The following LSM7 variants were observed in gnomAD, a reference collection of about 807,000 sequenced individuals.
The protein encoded by LSM7 is LSM7 homolog, U6 small nuclear RNA and mRNA degradation associated, also known as U6 snRNA-associated Sm-like protein LSm7.
Under a neutral mutation model 14.1 loss-of-function variants are expected in LSM7, and 13 were observed. The observed-to-expected ratio is 0.92, with a 90% confidence interval of 0.60 to 1.47. The LOEUF (loss-of-function observed/expected upper bound fraction) is 1.47. LSM7 is among the 40% of genes most tolerant of loss of function. The pLI is 0.00. For missense variants in LSM7, 108 were observed against 140.8 expected, an observed-to-expected ratio of 0.77 and a Z score of 1.18; for synonymous variants, 70 against 57.1, an observed-to-expected ratio of 1.23 and a Z score of -1.02.
chr19:2,327,448 G>C (rs1243991554), intron 2 of LSM7, among the ~76,000 whole-genome samples: 1 of 152,094 alleles, frequency 6.6e-6, no homozygotes, highest in Non-Finnish European at 1.5e-5. Flanking sequence ...TCACCACGTA[G>C]GCCAGGATGG....
intron 2 of LSM7, among the ~76,000 whole-genome samples, chr19:2,326,396 C>T (rs1285913086): frequency 1.3e-5 from 2 of 151,254 alleles, no homozygotes. Context: ...GGCTGGAATG[C>T]AGTGGCGCGA....
intron 3 of LSM7, among the ~76,000 whole-genome samples, chr19:2,323,169 TGGC>T (rs1325671475): frequency 1.3e-5 from 2 of 152,056 alleles, no homozygotes; most frequent in African/African-American, 2.4e-5. Flanking sequence ...TCTGAGGACT[TGGC>T]GGCCTCACTG....
intron 2 of LSM7, among the ~76,000 whole-genome samples, chr19:2,327,777 G>A (rs1446344693): frequency 1.3e-5 from 2 of 152,004 alleles, no homozygotes; most frequent in South Asian, 2.1e-4. Flanking sequence ...TTGGGTCCCC[G>A]TCTTACAAAA....
At position 2,321,831 on chromosome 19, in the gene LSM7, G is replaced by C; in HGVS notation, c.170-9C>G. On this transcript the variant is annotated splice_polypyrimidine_tract_variant and intron_variant, in intron 3 of 3. Coordinates refer to ENST00000252622, the MANE Select transcript of LSM7 (RefSeq NM_016199.3). This position sits in a 1 kb window ranked among gnomAD's most constrained non-coding sequence, Gnocchi z 5.0. Reference sequence around the variant, plus strand: ...GTACTGGTCGTCAGGGTCTGGGGAGGAGCAGATAGAGAGGACTGAGGGACC... The same window carrying C: ...GTACTGGTCGTCAGGGTCTGGGGAGCAGCAGATAGAGAGGACTGAGGGACC... 1 of 1,447,730 alleles carries C rather than the reference G, an allele frequency of 6.9e-7. No homozygotes were observed. The highest frequency in any genetic ancestry group is 9.1e-7 in the Non-Finnish European group (1 of 1,093,198). 89.7% of individuals were successfully genotyped at this position (1,447,730 alleles called of 1,614,324 possible). A position where few individuals can be genotyped will look rare whatever the true frequency, so the allele number is the denominator to read the frequency against.
In LSM7 at chr19:2,324,200, G is replaced by A; in HGVS notation, c.98-4C>T. The A allele has an allele frequency of 6.4e-7, 1 of 1,573,830 alleles. No individual in the cohort carries two copies. The highest frequency in any genetic ancestry group is 8.6e-7 in the Non-Finnish European group (1 of 1,159,978). Reference sequence around the variant, plus strand: ...AAGCCCTTCAGGATTCCACTGGCTTGGAGAAATCACCGGGGGAGAGAAAAG... The same window carrying A: ...AAGCCCTTCAGGATTCCACTGGCTTAGAGAAATCACCGGGGGAGAGAAAAG... On this transcript the variant is annotated splice_region_variant and splice_polypyrimidine_tract_variant and intron_variant, in intron 2 of 3. Transcript: ENST00000252622.
At chr19:2,328,529 C>T (rs374732572) in intron 1 of LSM7, 32 bp downstream of exon 1, 1 of 1,605,512 alleles carries the variant, frequency 6.2e-7, no homozygotes, top group Non-Finnish European at 8.5e-7. Context: ...GAGCTCCACG[C>T]CCCCCGGCTC....
In LSM7 at chr19:2,321,541, A is replaced by T; in HGVS notation, c.*139T>A. Reference sequence around the variant, plus strand: ...ACACATTGAGGTTTGCAATTTTATTAAGAAAACAAAAATTCAACCTATACA... The same window carrying T: ...ACACATTGAGGTTTGCAATTTTATTTAGAAAACAAAAATTCAACCTATACA... On this transcript the variant is annotated 3_prime_UTR_variant, in exon 4 of 4. Coordinates refer to ENST00000252622, the MANE Select transcript of LSM7 (RefSeq NM_016199.3). This position sits in a 1 kb window ranked among gnomAD's most constrained non-coding sequence, Gnocchi z 5.0. 2.0e-6 allele frequency: 2 copies of T among 997,202 alleles called. No individual in the cohort carries two copies. Among genetic ancestry groups the T allele is most frequent in the Non-Finnish European group, 2.7e-6 (2 of 745,256 alleles). 61.8% of individuals were successfully genotyped at this position (997,202 alleles called of 1,614,324 possible). A position where few individuals can be genotyped will look rare whatever the true frequency, so the allele number is the denominator to read the frequency against.
intron 2 of LSM7, among the ~76,000 whole-genome samples, chr19:2,325,402 C>T (rs905286855): frequency 3.2e-5 from 4 of 124,490 alleles, no homozygotes; most frequent in Non-Finnish European, 3.9e-5. Context: ...CCACCCCCTC[C>T]CTGCTCTCCT....
chr19:2,322,449 G>A (rs984242492), intron 3 of LSM7, among the ~76,000 whole-genome samples: 2 of 152,204 alleles, frequency 1.3e-5, no homozygotes, highest in African/African-American at 2.4e-5. Context: ...GCTGAGGCAG[G>A]AGAATGGTGT....
At chr19:2,324,259 C>G in intron 2 of LSM7, 63 bp from the exon 3 acceptor site, 3 of 1,333,414 alleles carry the variant, frequency 2.2e-6, no homozygotes, top group East Asian at 2.5e-5. Flanking sequence ...GCGCAGGGCC[C>G]GCCCCAGCAT....
rs763894813 is a variant in LSM7, at chr19:2,321,871, G to C, written c.170-49C>G. Reference sequence around the variant, plus strand: ...ACTGAGGGACCTCCAGGAAGCCTCCGAGACCCCCCACCCACCCAAGACCCT... The same window carrying C: ...ACTGAGGGACCTCCAGGAAGCCTCCCAGACCCCCCACCCACCCAAGACCCT... On this transcript the variant is annotated intron_variant, in intron 3 of 3. Coordinates refer to ENST00000252622, the MANE Select transcript of LSM7 (RefSeq NM_016199.3). The surrounding 1 kb of genome is among the most constrained non-coding windows in gnomAD (Gnocchi z 5.0). The C allele has an allele frequency of 7.4e-7, 1 of 1,360,364 alleles. No homozygotes were observed. 84.3% of individuals were successfully genotyped at this position (1,360,364 alleles called of 1,614,324 possible). A position where few individuals can be genotyped will look rare whatever the true frequency, so the allele number is the denominator to read the frequency against.
chr19:2,325,576 C>T (rs1968001897), intron 2 of LSM7, among the ~76,000 whole-genome samples: 1 of 152,232 alleles, frequency 6.6e-6, no homozygotes, highest in Admixed American at 6.5e-5. Flanking sequence ...CATTATTCTG[C>T]CTGCCTGTCT....
intron 2 of LSM7, chr19:2,328,107 T>C (rs1170149373): frequency 4.5e-5 from 16 of 357,092 alleles, no homozygotes; most frequent in South Asian, 9.9e-5. Flanking sequence ...ATGGCCTCTC[T>C]ACTAAAAATA....
At chr19:2,322,926 C>T (rs1967955782) in intron 3 of LSM7, among the ~76,000 whole-genome samples, 1 of 151,956 alleles carries the variant, frequency 6.6e-6, no homozygotes, top group Non-Finnish European at 1.5e-5. Context: ...CTATGTTGCC[C>T]AGGCTGGTCT....
Position 2,324,216 on chromosome 19 carries a change from G to T in LSM7, c.98-20C>A. The T allele has an allele frequency of 6.4e-7, 1 of 1,555,948 alleles. No homozygotes were observed. Among genetic ancestry groups the T allele is most frequent in the Non-Finnish European group, 8.7e-7 (1 of 1,147,074 alleles). ...CACTGGCTTGGAGAAATCACCGGGG[G>T]AGAGAAAAGAGAAGGCATGAGATCC... On this transcript the variant is annotated intron_variant, in intron 2 of 3. Transcript: ENST00000252622.
intron 2 of LSM7, chr19:2,326,039 C>T (rs1968009634): frequency 6.6e-6 from 1 of 152,280 alleles, no homozygotes; most frequent in African/African-American, 2.4e-5. Flanking sequence ...ACCAGTGAGC[C>T]CGCCCTCCTC....
chr19:2,323,915 G>A (rs562919406), intron 3 of LSM7, among the ~76,000 whole-genome samples: 33 of 152,312 alleles, frequency 2.2e-4, no homozygotes, highest in Non-Finnish European at 3.7e-4. Context: ...TTGTGAGGAC[G>A]TCTAGGACCA....
At chr19:2,322,254 T>C (rs1967945855) in intron 3 of LSM7, among the ~76,000 whole-genome samples, 2 of 152,236 alleles carry the variant, frequency 1.3e-5, no homozygotes, top group South Asian at 4.2e-4. Context: ...ACAAAGAGGC[T>C]GGGGGCCGGG....
At chr19:2,323,820 C>T (rs1008921760) in intron 3 of LSM7, among the ~76,000 whole-genome samples, 12 of 152,158 alleles carry the variant, frequency 7.9e-5, no homozygotes, top group East Asian at 1.9e-4. Context: ...CTAACTGTGC[C>T]GGGCGCCCCG....
Sources: gnomAD v4.1 joint callset for allele counts (sites outside exome capture counted in the v4.1 genomes callset) on GRCh38, gnomAD v4.1.1 for gene constraint, Gnocchi (gnomAD v3.1) non-coding constraint, MANE v1.5 for transcripts, NCBI Gene and HGNC (gene_info 2026-07-23, HGNC 2026-07-21) for gene names.